Variants in SNTB1 observed in about 807,000 individuals in gnomAD.
The protein encoded by SNTB1 is syntrophin beta 1.
In SNTB1, 36 loss-of-function variants were observed where a neutral mutation model predicts 48.9. That is an observed-to-expected ratio of 0.74 (90% CI 0.56 to 0.97). The LOEUF is 0.97. Ranked by LOEUF, SNTB1 falls within the 50% of genes least tolerant of loss-of-function variation. The pLI is 0.00. For synonymous variants in SNTB1, 299 were observed against 294.6 expected (o/e 1.01, Z -0.15); for missense variants, 786 against 703.4 (o/e 1.12, Z -1.33).
At chr8:120,769,258 G>C (rs1045383195) in intron 1 of SNTB1, 4 of 152,260 alleles carry the variant, frequency 2.6e-5, no homozygotes, top group African/African-American at 9.6e-5. Context: ...TTTGGCAATA[G>C]TTCCTTATAT....
intron 1 of SNTB1, among the ~76,000 whole-genome samples, chr8:120,743,335 G>A (rs887151390): frequency 6.6e-6 from 1 of 152,170 alleles, no homozygotes; most frequent in Non-Finnish European, 1.5e-5. Flanking sequence ...TAGCACAGAG[G>A]TAATTATAAA....
At chr8:120,693,540 G>C (rs9643147) in intron 2 of SNTB1, 152 bp downstream of exon 2, 163,140 of 694,914 alleles carry the variant, frequency 0.23, 20,454 homozygotes, top group African/African-American at 0.34. Flanking sequence ...TTCACACACA[G>C]ACACACACAA....
intron 2 of SNTB1, chr8:120,655,161 G>T: frequency 4.6e-6 from 1 of 219,730 alleles, no homozygotes; most frequent in South Asian, 5.1e-5. Context: ...AGCGTAATCA[G>T]GAAAAAATTA....
chr8:120,564,706 T>C (rs950536270), intron 4 of SNTB1, among the ~76,000 whole-genome samples: 1 of 151,308 alleles, frequency 6.6e-6, no homozygotes, highest in African/African-American at 2.4e-5. Context: ...GTAGCTGGGA[T>C]TACAGGTGTG....
intron 3 of SNTB1, among the ~76,000 whole-genome samples, chr8:120,618,759 C>T (rs1162327016): frequency 1.3e-5 from 2 of 152,098 alleles, no homozygotes; most frequent in African/African-American, 4.8e-5. Flanking sequence ...ACCTTTCAAC[C>T]CAGTTATTAT....
At chr8:120,664,594 G>A (rs1817644263) in intron 2 of SNTB1, among the ~76,000 whole-genome samples, 1 of 152,180 alleles carries the variant, frequency 6.6e-6, no homozygotes, top group Admixed American at 6.5e-5. Context: ...CCATGTTGTA[G>A]CATGTATCAA....
chr8:120,646,746 G>A lies in SNTB1; in HGVS notation c.789-14095C>T, dbSNP rs866141527. On this transcript the variant is annotated intron_variant, in intron 2 of 6. Coordinates refer to ENST00000517992, the MANE Select transcript of SNTB1 (RefSeq NM_021021.4). ...AATAGTTTCAGAAGGAATGGTACCA[G>A]TTCCTCCTTGTACCTCTGGGAGAAT... Among the ~76,000 whole-genome samples the A allele has an allele frequency of 1.1e-4, 17 of 152,148 alleles. 1 individual carries two copies. The highest frequency in any genetic ancestry group is 2.9e-4 in the African/African-American group (12 of 41,440).
intron 1 of SNTB1, among the ~76,000 whole-genome samples, chr8:120,804,118 G>C (rs924684838): frequency 6.6e-6 from 1 of 152,022 alleles, no homozygotes; most frequent in Non-Finnish European, 1.5e-5. Flanking sequence ...AGTATGAGTG[G>C]TGGATGATGT....
At chr8:120,579,574 G>GC (rs1476552043) in intron 3 of SNTB1, among the ~76,000 whole-genome samples, 1 of 152,144 alleles carries the variant, frequency 6.6e-6, no homozygotes, top group Non-Finnish European at 1.5e-5. Flanking sequence ...CAGCTACTCG[G>GC]AAGGCTGAGG....
Position 120,811,717 on chromosome 8 carries a change from C to G in SNTB1, c.127G>C (p.Glu43Gln). 1 of 1,574,798 alleles carries G rather than the reference C, an allele frequency of 6.4e-7. No homozygotes were observed. Among genetic ancestry groups the G allele is most frequent in the Non-Finnish European group, 8.6e-7 (1 of 1,165,480 alleles). The change falls in exon 1 of 7, where the codon GAG becomes CAG. Residue 43 changes from glutamate (E) to glutamine (Q), a missense_variant. By Grantham distance (29) the Glu-to-Gln change is conservative (BLOSUM62 2). Transcript: ENST00000517992. Reference sequence around the variant, plus strand: ...TCGCTGCTCAGAACCAGGGCGTCCTCGCTCAAGTTCACCAGAACTTTGTGC... The same window carrying G: ...TCGCTGCTCAGAACCAGGGCGTCCTGGCTCAAGTTCACCAGAACTTTGTGC... ...RWHKVLVNLSEDALVLSSEEG... is the reference protein window; with the variant it reads ...RWHKVLVNLSQDALVLSSEEG...
chr8:120,742,257 G>T (rs1182151265), intron 1 of SNTB1, among the ~76,000 whole-genome samples: 2 of 152,168 alleles, frequency 1.3e-5, no homozygotes, highest in Non-Finnish European at 2.9e-5. Context: ...AGAAAGCTGT[G>T]CCTTTAAAAA....
chr8:120,709,916 A>T (rs1818436424), intron 1 of SNTB1, among the ~76,000 whole-genome samples: 1 of 152,040 alleles, frequency 6.6e-6, no homozygotes, highest in South Asian at 2.1e-4. Context: ...TGGTATTTAA[A>T]AAAAAAAAGG....
intron 2 of SNTB1, among the ~76,000 whole-genome samples, chr8:120,677,604 G>C (rs1227555388): frequency 2.0e-5 from 3 of 151,978 alleles, no homozygotes; most frequent in Non-Finnish European, 4.4e-5. Context: ...AATCTTAGTA[G>C]GGCTGGATTT....
At chr8:120,796,013 A>G (rs1820114113) in intron 1 of SNTB1, among the ~76,000 whole-genome samples, 1 of 151,978 alleles carries the variant, frequency 6.6e-6, no homozygotes. Context: ...ATCTCATGTC[A>G]ATTTGTAATC....
intron 1 of SNTB1, among the ~76,000 whole-genome samples, chr8:120,798,916 C>T (rs1272637940): frequency 6.6e-6 from 1 of 152,010 alleles, no homozygotes; most frequent in Non-Finnish European, 1.5e-5. Context: ...GCATTCAACT[C>T]CACAGGCTGC....
At chr8:120,719,404 T>G (rs1818616719) in intron 1 of SNTB1, among the ~76,000 whole-genome samples, 1 of 152,202 alleles carries the variant, frequency 6.6e-6, no homozygotes, top group Admixed American at 6.5e-5. Flanking sequence ...CTCCTCATCT[T>G]GCAGATGACC....
At chr8:120,655,101 G>T in intron 2 of SNTB1, 2 of 318,448 alleles carry the variant, frequency 6.3e-6, no homozygotes, top group Admixed American at 4.2e-5. Context: ...GACATTTTGG[G>T]GTGTTTTTAT....
intron 3 of SNTB1, among the ~76,000 whole-genome samples, chr8:120,580,389 C>T (rs944780401): frequency 6.6e-6 from 1 of 152,218 alleles, no homozygotes; most frequent in Non-Finnish European, 1.5e-5. Flanking sequence ...TGATGTGTCA[C>T]ATGCTGAGGA....
chr8:120,616,399 A>G (rs748025496), intron 3 of SNTB1, among the ~76,000 whole-genome samples: 1 of 150,834 alleles, frequency 6.6e-6, no homozygotes, highest in Non-Finnish European at 1.5e-5. Flanking sequence ...TCCTGGGCTT[A>G]AGTGATCTTC....
Sources: gnomAD v4.1 joint callset for allele counts (sites outside exome capture counted in the v4.1 genomes callset) on GRCh38, gnomAD v4.1.1 for gene constraint, MANE v1.5 for transcripts, NCBI Gene and HGNC (gene_info 2026-07-23, HGNC 2026-07-21) for gene names.